The following CPED1 variants were observed in gnomAD, a reference collection of about 807,000 sequenced individuals.
CPED1 encodes the protein cadherin like and PC-esterase domain containing 1.
CPED1 carries 114 observed loss-of-function variants against 128.2 expected under a neutral mutation model. The ratio of observed to expected loss-of-function variants is 0.89; its 90% confidence interval spans 0.76 to 1.04. The LOEUF (loss-of-function observed/expected upper bound fraction) is 1.04. Ranked by LOEUF, CPED1 falls within the 50% of genes least tolerant of loss-of-function variation. CPED1 has a pLI of 0.00. For synonymous variants in CPED1, 462 were observed against 426.7 expected (o/e 1.08, Z -1.02); for missense variants, 1,211 against 1,207.1 (o/e 1.00, Z -0.05).
intron 5 of CPED1, among the ~76,000 whole-genome samples, chr7:121,075,424 C>T (rs1252089936): frequency 6.6e-6 from 1 of 152,032 alleles, no homozygotes; most frequent in Non-Finnish European, 1.5e-5. Flanking sequence ...TTACCTTTCT[C>T]TCTACAGTGC....
At chr7:121,065,512 A>G (rs960567335) in intron 5 of CPED1, among the ~76,000 whole-genome samples, 1 of 152,158 alleles carries the variant, frequency 6.6e-6, no homozygotes, top group Admixed American at 6.6e-5. Context: ...ACCAGAACCT[A>G]CAGATTTTAA....
chr7:121,080,097 C>T (rs1465771381), intron 5 of CPED1, among the ~76,000 whole-genome samples: 1 of 152,182 alleles, frequency 6.6e-6, no homozygotes, highest in Non-Finnish European at 1.5e-5. Flanking sequence ...AACACATGAA[C>T]TTCAAGCAAT....
chr7:121,130,130 C>T lies in CPED1; in HGVS notation c.1413C>T (p.Phe471=). The change falls in exon 12 of 23, where the codon TTC becomes TTT. Residue 471 remains phenylalanine (F), a synonymous_variant. Transcript: ENST00000310396. ...CTGATATTTTGTGTTCTCAGCTCTT[C>T]CCATCTACTACTCCTGGGATTCAGT... ...LGSLGQFQLL[F]PSTTPGIQSL... 1 of 1,611,378 alleles carries T rather than the reference C, an allele frequency of 6.2e-7. No individual in the cohort carries two copies. Among genetic ancestry groups the T allele is most frequent in the Non-Finnish European group, 8.5e-7 (1 of 1,178,010 alleles).
rs939821433 is a variant in CPED1 at position 121,097,608 on chromosome 7, C to T, written c.617-91C>T. Reference sequence around the variant, plus strand: ...AAATGGTTGCATATTTCTCATGTACCCTGCAGTTTAATACAGCATACTCTA... The same window carrying T: ...AAATGGTTGCATATTTCTCATGTACTCTGCAGTTTAATACAGCATACTCTA... On this transcript the variant is annotated intron_variant, in intron 5 of 22. Transcript: ENST00000310396. 1.7e-5 allele frequency: 24 copies of T among 1,401,592 alleles called. No individual in the cohort carries two copies. The East Asian group carries it at 5.1e-4, about 30-fold the overall frequency. The allele number at this position is 1,401,592 out of a possible 1,614,324, so 86.8% of individuals were successfully genotyped here.
At chr7:121,293,919 G>A (rs972755870) in intron 22 of CPED1, among the ~76,000 whole-genome samples, 1 of 151,990 alleles carries the variant, frequency 6.6e-6, no homozygotes, top group African/African-American at 2.4e-5. Flanking sequence ...CCTTGTTCTC[G>A]CTGTGAGCTG....
chr7:121,089,923 T>C (rs558258239), intron 5 of CPED1, among the ~76,000 whole-genome samples: 74 of 152,280 alleles, frequency 4.9e-4, no homozygotes, highest in African/African-American at 1.8e-3. Flanking sequence ...AAAGGAAAAT[T>C]AAACTGCCAT....
At position 120,989,711 on chromosome 7, in the gene CPED1, C is replaced by T. The variant is rs902741757; in HGVS notation, c.90C>T (p.Tyr30=). The T allele has an allele frequency of 6.2e-7, 1 of 1,613,916 alleles. No individual in the cohort carries two copies. ...TAGTGGTGGCAATCTGTCTCTTCTACCAGACTCTGACCCTCCGAGGGTCGA... is the reference window on the plus strand; with the variant it reads ...TAGTGGTGGCAATCTGTCTCTTCTATCAGACTCTGACCCTCCGAGGGTCGA... The part of the protein sequence containing the change: ...VGLVVAICLF[Y]QTLTLRGSRK... Residue 30 remains tyrosine (Y), a synonymous_variant, in exon 2 of 23, where the codon TAC becomes TAT. Coordinates refer to ENST00000310396, the MANE Select transcript of CPED1 (RefSeq NM_024913.5).
In CPED1 at chr7:121,098,757, A is replaced by T. The variant is rs9719284; in HGVS notation, c.749+926A>T. Among the ~76,000 whole-genome samples, 121 of 49,530 alleles carry T rather than the reference A, an allele frequency of 2.4e-3. 3 individuals are homozygous for T. The highest frequency in any genetic ancestry group is 8.3e-3 in the African/African-American group (110 of 13,328). 32.5% of individuals were successfully genotyped at this position (49,530 alleles called of 152,430 possible). ...ATATATATATATAAAAATATATAAA[A>T]ATATATATAAATATATATATATAAA... On this transcript the variant is annotated intron_variant, in intron 6 of 22. Coordinates refer to ENST00000310396, the MANE Select transcript of CPED1 (RefSeq NM_024913.5).
At chr7:121,080,860 A>G (rs1488900234) in intron 5 of CPED1, among the ~76,000 whole-genome samples, 2 of 152,186 alleles carry the variant, frequency 1.3e-5, no homozygotes, top group South Asian at 2.1e-4. Context: ...ATTGAGCAAC[A>G]AGAAACTTAC....
intron 2 of CPED1, among the ~76,000 whole-genome samples, chr7:121,005,882 G>A (rs114053799): frequency 0.012 from 1,856 of 152,238 alleles, 38 homozygotes; most frequent in African/African-American, 0.042. Context: ...GTAGATGGAA[G>A]GTGTCAGTGC....
intron 16 of CPED1, among the ~76,000 whole-genome samples, chr7:121,231,488 G>A (rs961398344): frequency 7.9e-5 from 12 of 152,102 alleles, no homozygotes; most frequent in African/African-American, 2.7e-4. Flanking sequence ...GTGGGGAAAT[G>A]TTCCAACTAG....
chr7:120,994,841 A>C lies in CPED1; in HGVS notation c.249+4971A>C, dbSNP rs377430171. Among the ~76,000 whole-genome samples, 4 of 152,294 alleles carry C rather than the reference A, an allele frequency of 2.6e-5. No homozygotes were observed. The East Asian group carries it at 7.7e-4, about 29-fold the overall frequency. On this transcript the variant is annotated intron_variant, in intron 2 of 22. Coordinates refer to ENST00000310396, the MANE Select transcript of CPED1 (RefSeq NM_024913.5). Reference sequence around the variant, plus strand: ...TAAATACATAAGTGTATTAGAGAGAAAGTGAGAAAACACACATTGCAGAAT... The same window carrying C: ...TAAATACATAAGTGTATTAGAGAGACAGTGAGAAAACACACATTGCAGAAT...
Position 121,006,475 on chromosome 7 carries a change from C to T in CPED1, c.250-9190C>T, listed in dbSNP as rs894191365. Among the ~76,000 whole-genome samples the T allele has an allele frequency of 3.9e-4, 59 of 151,964 alleles. 1 individual carries two copies. The highest frequency in any genetic ancestry group is 1.4e-3 in the African/African-American group (56 of 41,420). On this transcript the variant is annotated intron_variant, in intron 2 of 22. Transcript: ENST00000310396. ...CTTCTGTTAAGTGCTATGTGAGTGT[C>T]TGAGAAAGACAGGACAGGGATAGGG...
chr7:121,186,456 GTCCTTGGGCCAATATAATTTTTTAATT>G (rs1227277462), intron 16 of CPED1, among the ~76,000 whole-genome samples: 5 of 152,028 alleles, frequency 3.3e-5, no homozygotes, highest in Admixed American at 3.3e-4. Flanking sequence ...TGAAAAAGCT[GTCCTTGGGCCAATATAATTTTTTAATT>G]TCCTGGTGCC....
At chr7:121,168,351 T>C (rs1218811927) in intron 16 of CPED1, among the ~76,000 whole-genome samples, 1 of 152,230 alleles carries the variant, frequency 6.6e-6, no homozygotes, top group East Asian at 1.9e-4. Flanking sequence ...AGTAGTCTTC[T>C]CTATCTAAAG....
intron 22 of CPED1, among the ~76,000 whole-genome samples, chr7:121,272,429 C>T (rs2116757456): frequency 6.6e-6 from 1 of 152,016 alleles, no homozygotes; most frequent in South Asian, 2.1e-4. Flanking sequence ...AGAGCCCCCT[C>T]CCCACCAGTG....
At chr7:121,215,725 C>A (rs12706326) in intron 16 of CPED1, among the ~76,000 whole-genome samples, 5,072 of 152,104 alleles carry the variant, frequency 0.033, 105 homozygotes, top group Non-Finnish European at 0.049. Flanking sequence ...CCACCTGACA[C>A]CAATCCTTTT....
intron 3 of CPED1, among the ~76,000 whole-genome samples, chr7:121,038,792 A>G (rs967524052): frequency 6.6e-6 from 1 of 151,960 alleles, no homozygotes; most frequent in African/African-American, 2.4e-5. Context: ...GGAACTGGTC[A>G]GCTATTTTGA....
At chr7:121,181,516 G>A (rs1045899349) in intron 16 of CPED1, among the ~76,000 whole-genome samples, 6 of 151,962 alleles carry the variant, frequency 3.9e-5, no homozygotes, top group South Asian at 2.1e-4. Context: ...ACATAAATAC[G>A]TTATTGATTT....
Sources: gnomAD v4.1 joint callset for allele counts (sites outside exome capture counted in the v4.1 genomes callset) on GRCh38, gnomAD v4.1.1 for gene constraint, MANE v1.5 for transcripts, NCBI Gene and HGNC (gene_info 2026-07-23, HGNC 2026-07-21) for gene names.